The following CREB1 variants were observed in gnomAD, a reference collection of about 807,000 sequenced individuals.
The protein encoded by CREB1 is cyclic AMP-responsive element-binding protein 1.
A neutral mutation model predicts 42.0 loss-of-function variants in CREB1; 2 were observed. The ratio of observed to expected loss-of-function variants is 0.05; its 90% CI spans 0.02 to 0.15. The LOEUF is 0.15. CREB1 is among the 10% of genes least tolerant of loss of function. The probability of loss-of-function intolerance (pLI) is 1.00; values close to 1 mark genes in which losing one functional copy is unlikely to be tolerated. For missense variants in CREB1, 199 were observed against 388.9 expected (o/e 0.51, Z 4.11); for synonymous variants, 123 against 139.9 (o/e 0.88, Z 0.85).
intron 7 of CREB1, among the ~76,000 whole-genome samples, chr2:207,580,086 A>G (rs184731732): frequency 6.7e-4 from 102 of 152,330 alleles, no homozygotes; most frequent in Non-Finnish European, 1.3e-3. Flanking sequence ...TCCAGTATAT[A>G]TTATTTTATT....
chr2:207,541,315 C>T (rs1174285294), intron 1 of CREB1, among the ~76,000 whole-genome samples: 1 of 152,190 alleles, frequency 6.6e-6, no homozygotes, highest in African/African-American at 2.4e-5. Flanking sequence ...CACTGATTCA[C>T]CCAGACCAAC....
intron 1 of CREB1, among the ~76,000 whole-genome samples, chr2:207,531,419 A>G (rs1011362806): frequency 3.3e-5 from 5 of 152,186 alleles, no homozygotes; most frequent in African/African-American, 7.2e-5. Context: ...TTTAAGCCAC[A>G]AGCTGTATTT....
At chr2:207,554,939 T>C (rs2106450509) in intron 1 of CREB1, among the ~76,000 whole-genome samples, 1 of 152,230 alleles carries the variant, frequency 6.6e-6, no homozygotes, top group African/African-American at 2.4e-5. Flanking sequence ...TATGGTGCAA[T>C]GCACGTGTAT....
At chr2:207,589,400 T>G (rs572547284) in intron 7 of CREB1, among the ~76,000 whole-genome samples, 10 of 152,190 alleles carry the variant, frequency 6.6e-5, no homozygotes, top group Non-Finnish European at 1.3e-4. Flanking sequence ...CTTTTAAGAA[T>G]GCTTGTGGTT....
chr2:207,554,334 T>A (rs1001783777), intron 1 of CREB1, among the ~76,000 whole-genome samples: 2 of 152,160 alleles, frequency 1.3e-5, no homozygotes, highest in Non-Finnish European at 2.9e-5. Context: ...TGTGATGGAG[T>A]GTAATGATCA....
chr2:207,534,482 C>A (rs141094546), intron 1 of CREB1: 1 of 152,174 alleles, frequency 6.6e-6, no homozygotes, highest in Non-Finnish European at 1.5e-5. Flanking sequence ...TAGGCGTGAG[C>A]CACCACGCCC....
chr2:207,572,075 A>C (rs1272659927), intron 5 of CREB1, among the ~76,000 whole-genome samples: 1 of 152,014 alleles, frequency 6.6e-6, no homozygotes, highest in Non-Finnish European at 1.5e-5. Context: ...AAAATACAAA[A>C]ATTAGCCGGG....
At chr2:207,568,928 CTTCT>C (rs1228352032) in intron 4 of CREB1, among the ~76,000 whole-genome samples, 1 of 152,102 alleles carries the variant, frequency 6.6e-6, no homozygotes, top group Non-Finnish European at 1.5e-5. Context: ...CTCCCCATTC[CTTCT>C]GTCGTTTTCA....
intron 4 of CREB1, 65 bp from the exon 5 acceptor site, chr2:207,570,112 CTA>C: frequency 2.2e-6 from 2 of 924,300 alleles, no homozygotes; most frequent in Admixed American, 2.8e-5. Context: ...TCATCTTTAA[CTA>C]TATTTGTATT....
At chr2:207,591,126 T>C (rs2084953388) in intron 7 of CREB1, among the ~76,000 whole-genome samples, 1 of 152,208 alleles carries the variant, frequency 6.6e-6, no homozygotes, top group African/African-American at 2.4e-5. Flanking sequence ...TAGTTGATTA[T>C]GTCATTCAGG....
At chr2:207,573,876 T>C (rs2082470189) in intron 5 of CREB1, among the ~76,000 whole-genome samples, 1 of 152,270 alleles carries the variant, frequency 6.6e-6, no homozygotes. Flanking sequence ...GTATGTTAAA[T>C]ACAGTAGGAT....
At chr2:207,586,872 A>G (rs1296649011) in intron 7 of CREB1, among the ~76,000 whole-genome samples, 1 of 152,254 alleles carries the variant, frequency 6.6e-6, no homozygotes, top group African/African-American at 2.4e-5. Context: ...ATTATCAAAA[A>G]GACAAGAAGT....
At chr2:207,582,834 A>G in intron 7 of CREB1, 1 of 333,104 alleles carries the variant, frequency 3.0e-6, no homozygotes, top group Non-Finnish European at 6.0e-6. Flanking sequence ...TGGAAGTTGC[A>G]GTGAGCTGAG....
Position 207,600,260 on chromosome 2 carries a change from T to TATATAC in CREB1, c.*3205_*3206insTACATA, listed in dbSNP as rs1553513631. The TATATAC allele has an allele frequency of 6.2e-6, 1 of 161,642 alleles. No individual in the cohort carries two copies. Among genetic ancestry groups the TATATAC allele is most frequent in the Admixed American group, 6.7e-5 (1 of 14,938 alleles). 10.0% of individuals were successfully genotyped at this position (161,642 alleles called of 1,614,324 possible). ...GTACATATATATATATATATATATA[T>TATATAC]ATACATACAGTATATAATCTAAAGC... On this transcript the variant is annotated 3_prime_UTR_variant, in exon 8 of 8. Coordinates refer to ENST00000353267, the MANE Select transcript of CREB1 (RefSeq NM_004379.5).
chr2:207,552,960 T>C (rs1213332251), intron 1 of CREB1, among the ~76,000 whole-genome samples: 1 of 151,872 alleles, frequency 6.6e-6, no homozygotes, highest in Admixed American at 6.6e-5. Context: ...TGTCATTGAG[T>C]GTATTCATTT....
At chr2:207,541,957 T>C (rs553472464) in intron 1 of CREB1, among the ~76,000 whole-genome samples, 23 of 152,234 alleles carry the variant, frequency 1.5e-4, no homozygotes, top group Non-Finnish European at 3.2e-4. Flanking sequence ...TAGCATAATG[T>C]CCATTGTGAT....
chr2:207,596,212 G>T (rs1354373870), intron 7 of CREB1, among the ~76,000 whole-genome samples: 1 of 152,118 alleles, frequency 6.6e-6, no homozygotes, highest in East Asian at 1.9e-4. Context: ...AGCACCATTT[G>T]TTGAAGAGAC....
rs569888903 is a variant in CREB1 at position 207,537,141 on chromosome 2, GC to G, written c.-9+7009del. 1.3e-3 allele frequency among the ~76,000 whole-genome samples: 204 copies of G among 152,070 alleles called. 1 individual carries two copies. The highest frequency in any genetic ancestry group is 4.7e-3 in the African/African-American group (196 of 41,484). ...GCGATCTCAGCTCACTGCAACCTCC[GC>G]CTCCTGGGTTAAAGCGATTCCCCTG... On this transcript the variant is annotated intron_variant, in intron 1 of 7. Coordinates refer to ENST00000353267, the MANE Select transcript of CREB1 (RefSeq NM_004379.5).
chr2:207,589,377 C>G (rs963755416), intron 7 of CREB1, among the ~76,000 whole-genome samples: 1 of 152,150 alleles, frequency 6.6e-6, no homozygotes, highest in Non-Finnish European at 1.5e-5. Context: ...TTTTCTTCTG[C>G]TTTCCTGTTC....
Sources: gnomAD v4.1 joint callset for allele counts (sites outside exome capture counted in the v4.1 genomes callset) on GRCh38, gnomAD v4.1.1 for gene constraint, MANE v1.5 for transcripts, NCBI Gene and HGNC (gene_info 2026-07-23, HGNC 2026-07-21) for gene names.